TEK: variants seen among roughly 807,000 people sequenced by gnomAD.
TEK encodes angiopoietin-1 receptor.
In TEK, 43 loss-of-function variants were observed where a neutral mutation model predicts 131.8. The ratio of observed to expected loss-of-function variants is 0.33; its 90% CI spans 0.26 to 0.42. The LOEUF (loss-of-function observed/expected upper bound fraction) is 0.42. TEK is among the 10% of genes least tolerant of loss of function. The pLI is 1.00. For synonymous variants in TEK, 580 were observed against 491.6 expected (o/e 1.18, Z -2.38); for missense variants, 1,162 against 1,384.4 (o/e 0.84, Z 2.55).
At chr9:27,116,007 A>G (rs1821540939) in intron 1 of TEK, among the ~76,000 whole-genome samples, 1 of 152,224 alleles carries the variant, frequency 6.6e-6, no homozygotes, top group Non-Finnish European at 1.5e-5. Flanking sequence ...TTCAGGATGG[A>G]TTAACATGGT....
chr9:27,139,765 T>G (rs1232293775), intron 1 of TEK, among the ~76,000 whole-genome samples: 2 of 152,164 alleles, frequency 1.3e-5, no homozygotes, highest in Non-Finnish European at 2.9e-5. Flanking sequence ...TTTGTTGGGC[T>G]TCAGTGAGTT....
chr9:27,199,141 C>G (rs1371947532), intron 12 of TEK, among the ~76,000 whole-genome samples: 3 of 152,310 alleles, frequency 2.0e-5, no homozygotes, highest in Middle Eastern at 3.4e-3. Context: ...TATACACATG[C>G]ATACATATCA....
rs545877212 is a variant in TEK at position 27,171,442 on chromosome 9, T to A, written c.629-1174T>A. 8.3e-4 allele frequency among the ~76,000 whole-genome samples: 127 copies of A among 152,330 alleles called. 1 individual carries two copies. Among genetic ancestry groups the A allele is most frequent in the African/African-American group, 2.9e-3 (120 of 41,586 alleles). ...TACAGGATCATAAGATAAATCCGTGTCCTTTGGGTCATTCCCAATCAGAGT... is the reference window on the plus strand; with the variant it reads ...TACAGGATCATAAGATAAATCCGTGACCTTTGGGTCATTCCCAATCAGAGT... On this transcript the variant is annotated intron_variant, in intron 4 of 22. Coordinates refer to ENST00000380036, the MANE Select transcript of TEK (RefSeq NM_000459.5).
At chr9:27,148,716 CT>C (rs1454171064) in intron 1 of TEK, among the ~76,000 whole-genome samples, 1 of 152,216 alleles carries the variant, frequency 6.6e-6, no homozygotes, top group African/African-American at 2.4e-5. Context: ...ATTGTGACCA[CT>C]TTTTCATGAA....
At chr9:27,212,643 A>C in intron 16 of TEK, 64 bp from the exon 17 acceptor site, 1 of 1,571,960 alleles carries the variant, frequency 6.4e-7, no homozygotes, top group Non-Finnish European at 8.7e-7. Flanking sequence ...TCCACAGCAC[A>C]TCTCTTAAAT....
intron 1 of TEK, among the ~76,000 whole-genome samples, chr9:27,110,205 G>T (rs902907773): frequency 2.0e-5 from 3 of 151,322 alleles, no homozygotes; most frequent in Non-Finnish European, 4.4e-5. Flanking sequence ...GGGTCAGGGA[G>T]ATTGGGGCTA....
chr9:27,174,028 A>G (rs760075586), intron 6 of TEK, among the ~76,000 whole-genome samples: 4 of 152,086 alleles, frequency 2.6e-5, no homozygotes, highest in Non-Finnish European at 5.9e-5. Flanking sequence ...CGTGGACCTT[A>G]TGCAAGTAGT....
At chr9:27,190,790 A>G in intron 10 of TEK, 100 bp downstream of exon 10, 1 of 1,511,178 alleles carries the variant, frequency 6.6e-7, no homozygotes, top group Non-Finnish European at 9.1e-7. Flanking sequence ...TCAATCCTCT[A>G]CCTCAAGGTG....
chr9:27,222,878 C>G (rs7037940), intron 21 of TEK, among the ~76,000 whole-genome samples: 22,600 of 151,816 alleles, frequency 0.15, 1,821 homozygotes, highest in Admixed American at 0.2. Context: ...TGAGACCCAT[C>G]TAACGTGCAA....
chr9:27,162,353 C>G (rs1175344449), intron 2 of TEK, among the ~76,000 whole-genome samples: 2 of 152,168 alleles, frequency 1.3e-5, no homozygotes, highest in African/African-American at 4.8e-5. Context: ...GGCTCACACA[C>G]TCCAAACAGA....
intron 1 of TEK, among the ~76,000 whole-genome samples, chr9:27,120,121 T>G (rs1290512109): frequency 6.6e-6 from 1 of 152,226 alleles, no homozygotes; most frequent in Non-Finnish European, 1.5e-5. Context: ...AAGACGGTGG[T>G]GGCAGTGGTG....
chr9:27,216,544 G>A (rs957095562), intron 18 of TEK, among the ~76,000 whole-genome samples: 4 of 152,084 alleles, frequency 2.6e-5, no homozygotes, highest in African/African-American at 9.7e-5. Flanking sequence ...AGTGAAGGGA[G>A]GAGGTGTGGA....
At chr9:27,150,332 C>T (rs997852263) in intron 1 of TEK, among the ~76,000 whole-genome samples, 1 of 152,132 alleles carries the variant, frequency 6.6e-6, no homozygotes, top group Non-Finnish European at 1.5e-5. Context: ...CTTGGCCAGG[C>T]ATGTTGGCTT....
chr9:27,126,916 T>TA (rs1554687563), intron 1 of TEK, among the ~76,000 whole-genome samples: 2 of 152,122 alleles, frequency 1.3e-5, no homozygotes, highest in South Asian at 2.1e-4. Flanking sequence ...AGCCAACACT[T>TA]AGAGATGCCA....
chr9:27,158,233 T>C (rs1823413827), intron 2 of TEK, 91 bp downstream of exon 2: 9 of 1,405,150 alleles, frequency 6.4e-6, no homozygotes, highest in Non-Finnish European at 9.0e-6. Context: ...GGGCAGGGCA[T>C]GCACTACCTG....
chr9:27,144,165 C>A (rs539786740), intron 1 of TEK, among the ~76,000 whole-genome samples: 1 of 152,138 alleles, frequency 6.6e-6, no homozygotes, highest in East Asian at 1.9e-4. Flanking sequence ...GCCTGTAGTC[C>A]CAGCTACTTG....
rs1490428165 is a variant in TEK at position 27,209,192 on chromosome 9, C to T, written c.2647C>T (p.Pro883Ser). 1 of 1,613,986 alleles carries T rather than the reference C, an allele frequency of 6.2e-7. No homozygotes were observed. Among genetic ancestry groups the T allele is most frequent in the Admixed American group, 1.7e-5 (1 of 60,026 alleles). ...AGTTCTTTGTAAACTTGGACACCATCCAAACATCATCAATCTCTTAGGAGC... is the reference window on the plus strand; with the variant it reads ...AGTTCTTTGTAAACTTGGACACCATTCAAACATCATCAATCTCTTAGGAGC... Reference protein sequence around the residue: ...LEVLCKLGHHPNIINLLGACE... With the variant: ...LEVLCKLGHHSNIINLLGACE... The change falls in exon 16 of 23, where the codon CCA (proline) becomes TCA (serine). Residue 883 changes from proline to serine, a missense_variant. Coordinates refer to ENST00000380036, the MANE Select transcript of TEK (RefSeq NM_000459.5).
intron 1 of TEK, among the ~76,000 whole-genome samples, chr9:27,148,947 G>A (rs1426590050): frequency 6.6e-6 from 1 of 152,134 alleles, no homozygotes; most frequent in Non-Finnish European, 1.5e-5. Flanking sequence ...AAATCTATCA[G>A]TGTTTTTTCT....
chr9:27,227,687 T>A (rs1826393732), intron 21 of TEK, among the ~76,000 whole-genome samples: 6 of 152,164 alleles, frequency 3.9e-5, no homozygotes, highest in Non-Finnish European at 8.8e-5. Flanking sequence ...CATGACCTGA[T>A]CACCTCCCAA....
Sources: gnomAD v4.1 joint callset for allele counts (sites outside exome capture counted in the v4.1 genomes callset) on GRCh38, gnomAD v4.1.1 for gene constraint, MANE v1.5 for transcripts, NCBI Gene and HGNC (gene_info 2026-07-23, HGNC 2026-07-21) for gene names.